The following PIK3CD variants were observed in gnomAD, a reference collection of about 807,000 sequenced individuals.
The protein encoded by PIK3CD is phosphatidylinositol-4,5-bisphosphate 3-kinase catalytic subunit delta.
In PIK3CD, 20 loss-of-function variants were observed where a neutral mutation model predicts 122.9. The ratio of observed to expected loss-of-function variants is 0.16; its 90% CI spans 0.11 to 0.24. PIK3CD has a LOEUF of 0.24. PIK3CD is among the 10% of genes least tolerant of loss of function. The pLI is 1.00. For missense variants in PIK3CD, 787 were observed against 1,406.3 expected, an observed-to-expected ratio of 0.56 and a Z score of 7.04; for synonymous variants, 596 against 593.4, an observed-to-expected ratio of 1.00 and a Z score of -0.06.
intron 3 of PIK3CD, among the ~76,000 whole-genome samples, chr1:9,714,937 G>A (rs893209205): frequency 1.2e-4 from 18 of 152,108 alleles, no homozygotes; most frequent in African/African-American, 4.3e-4. Context: ...TTGGGAGGCC[G>A]AGGTGGGTGG....
chr1:9,692,690 A>G (rs1646248395), intron 2 of PIK3CD, among the ~76,000 whole-genome samples: 1 of 152,202 alleles, frequency 6.6e-6, no homozygotes. Flanking sequence ...AGATCACACC[A>G]CTGCACTCCA....
chr1:9,701,226 C>T (rs1289168735), intron 2 of PIK3CD, among the ~76,000 whole-genome samples: 1 of 152,106 alleles, frequency 6.6e-6, no homozygotes, highest in Non-Finnish European at 1.5e-5. Context: ...TGCCCACCAC[C>T]CCCTGCTCCA....
intron 2 of PIK3CD, among the ~76,000 whole-genome samples, chr1:9,701,830 C>G (rs946462502): frequency 6.6e-6 from 1 of 152,076 alleles, no homozygotes; most frequent in Non-Finnish European, 1.5e-5. Context: ...CCCTGGAGGG[C>G]TGGCAGCCAA....
intron 1 of PIK3CD, among the ~76,000 whole-genome samples, chr1:9,676,042 C>T (rs763940407): frequency 1.3e-5 from 2 of 152,004 alleles, no homozygotes; most frequent in Non-Finnish European, 2.9e-5. Context: ...AGCGATTCTC[C>T]TGCCTCAGCC....
Position 9,717,040 on chromosome 1 carries a change from G to A in PIK3CD, c.862G>A (p.Glu288Lys), listed in dbSNP as rs917453045. The A allele has an allele frequency of 6.2e-7, 1 of 1,613,816 alleles. No homozygotes were observed. Among genetic ancestry groups the A allele is most frequent in the Non-Finnish European group, 8.5e-7 (1 of 1,180,024 alleles). Residue 288 changes from glutamate (E) to lysine (K), a missense_variant, in exon 7 of 24, where the codon GAG (glutamate) becomes AAG (lysine). This residue lies in a region of PIK3CD where 592 missense variants were observed against 920.6 expected (regional missense o/e 0.64). Transcript: ENST00000377346. The surrounding 1 kb of genome is among the most constrained non-coding windows in gnomAD (Gnocchi z 5.4). The stretch of plus-strand genomic sequence containing the variant: ...CTCCTCCATCCTCGCCATGCGGGAT[G>A]AGCAGAGCAACCCTGCCCCCCAGGT... ...HSSSILAMRD[E>K]QSNPAPQVQK...
chr1:9,725,086 TG>T (rs1649303468), intron 23 of PIK3CD, 150 bp downstream of exon 23: 1 of 1,041,692 alleles, frequency 9.6e-7, no homozygotes. Flanking sequence ...GCAGTGGAGC[TG>T]GTGGGCGGTG....
chr1:9,654,455 C>G lies in PIK3CD; in HGVS notation c.-138+2653C>G, dbSNP rs746518296. The stretch of plus-strand genomic sequence containing the variant: ...AGGGCATCAGCCCCTGGGGGGCTTA[C>G]AGGACAGACAGTCCACCAATGGTTG... On this transcript the variant is annotated intron_variant, in intron 1 of 23. Transcript: ENST00000377346. The G allele has an allele frequency of 7.5e-6, 10 of 1,341,458 alleles. No homozygotes were observed. The South Asian group carries it at 1.0e-4, about 14-fold the overall frequency. The allele number at this position is 1,341,458 out of a possible 1,614,324, so 83.1% of individuals were successfully genotyped here. A position where few individuals can be genotyped will look rare whatever the true frequency, so the allele number is the denominator to read the frequency against.
At position 9,718,565 on chromosome 1, in the gene PIK3CD, C is replaced by G; in HGVS notation, c.1021-129C>G. 3.4e-6 allele frequency: 3 copies of G among 889,324 alleles called. No homozygotes were observed. The highest frequency in any genetic ancestry group is 5.4e-6 in the Non-Finnish European group (3 of 557,206). 55.1% of individuals were successfully genotyped at this position (889,324 alleles called of 1,614,324 possible). A position where few individuals can be genotyped will look rare whatever the true frequency, so the allele number is the denominator to read the frequency against. Reference sequence around the variant, plus strand: ...TCAGGCCTTCCCTGTGCTGCACCACCTTCCTTCGTGTGGGAAGTAGAGTTC... The same window carrying G: ...TCAGGCCTTCCCTGTGCTGCACCACGTTCCTTCGTGTGGGAAGTAGAGTTC... On this transcript the variant is annotated intron_variant, in intron 8 of 23. Transcript: ENST00000377346. The surrounding 1 kb of genome is among the most constrained non-coding windows in gnomAD (Gnocchi z 7.2).
chr1:9,711,574 G>C (rs546280863), intron 3 of PIK3CD, among the ~76,000 whole-genome samples: 3 of 151,990 alleles, frequency 2.0e-5, no homozygotes, highest in African/African-American at 4.8e-5. Context: ...TCATGACTGT[G>C]TCATCATTTT....
chr1:9,684,609 C>G (rs919658682), intron 1 of PIK3CD, among the ~76,000 whole-genome samples: 1 of 150,694 alleles, frequency 6.6e-6, no homozygotes, highest in Admixed American at 6.6e-5. Flanking sequence ...AATCCCAACA[C>G]TTTGTGAGGC....
At position 9,721,477 on chromosome 1, in the gene PIK3CD, G is replaced by A. The variant is rs752731457; in HGVS notation, c.1845G>A (p.Leu615=). Reference sequence around the variant, plus strand: ...AGCTGTTCCAGTACCTGCTGCAGCTGGTGCAGGTGCTCAAGTACGAGTCCT... The same window carrying A: ...AGCTGTTCCAGTACCTGCTGCAGCTAGTGCAGGTGCTCAAGTACGAGTCCT... ...DDELFQYLLQ[L]VQVLKYESYL... The change falls in exon 15 of 24, where the codon CTG becomes CTA. Residue 615 remains leucine (L), a synonymous_variant. Transcript: ENST00000377346. 1.2e-6 allele frequency: 2 copies of A among 1,613,654 alleles called. No individual in the cohort carries two copies. The highest frequency in any genetic ancestry group is 4.5e-5 in the East Asian group (2 of 44,888).
chr1:9,720,208 C>T lies in PIK3CD; in HGVS notation c.1436C>T (p.Ala479Val). 1 of 1,610,658 alleles carries T rather than the reference C, an allele frequency of 6.2e-7. No individual in the cohort carries two copies. The highest frequency in any genetic ancestry group is 8.5e-7 in the Non-Finnish European group (1 of 1,178,266). Residue 479 changes from alanine to valine, a missense_variant, in exon 11 of 24, where the codon GCC becomes GTC. By Grantham distance (64) the Ala-to-Val change is moderately conservative (BLOSUM62 0). This residue lies in a region of PIK3CD where 592 missense variants were observed against 920.6 expected (regional missense o/e 0.64). Transcript: ENST00000377346. The surrounding 1 kb of genome is among the most constrained non-coding windows in gnomAD (Gnocchi z 9.0). ...CTGCTCATCTGCCTGCCCGAGGTGG[C>T]CCCGCACCCCGTGTACTACCCCGCC... ...AALLICLPEVAPHPVYYPALE... is the reference protein window; with the variant it reads ...AALLICLPEVVPHPVYYPALE...
At chr1:9,650,681 T>A (rs1368106978), upstream of PIK3CD, among the ~76,000 whole-genome samples, 1 of 151,484 alleles carries the variant, frequency 6.6e-6, no homozygotes, top group African/African-American at 2.4e-5. Context: ...GAATAGAGGC[T>A]TGGGATCCTG....
chr1:9,702,906 G>A (rs1042641349), intron 2 of PIK3CD, among the ~76,000 whole-genome samples: 4 of 152,084 alleles, frequency 2.6e-5, no homozygotes, highest in Middle Eastern at 3.2e-3. Context: ...AGCTGTAAGC[G>A]GCCAAAAACT....
chr1:9,666,327 GC>G (rs540773280), intron 1 of PIK3CD, among the ~76,000 whole-genome samples: 7 of 125,952 alleles, frequency 5.6e-5, no homozygotes, highest in African/African-American at 1.6e-4. Context: ...TGCAACCTCT[GC>G]CCCCCCAGGT....
chr1:9,634,256 C>T, the PIK3CD span, among the ~76,000 whole-genome samples: 3 of 149,886 alleles, frequency 2.0e-5, no homozygotes, highest in East Asian at 2.0e-4. Context: ...CAGGTTCAAG[C>T]GATTCTCCTC....
rs539631080 is a variant in PIK3CD at position 9,718,260 on chromosome 1, C to T, written c.1021-434C>T. On this transcript the variant is annotated intron_variant, in intron 8 of 23. Transcript: ENST00000377346. The surrounding 1 kb of genome is among the most constrained non-coding windows in gnomAD (Gnocchi z 7.2). The stretch of plus-strand genomic sequence containing the variant: ...ATCGAGGGGGACTGGATCAGAGGGA[C>T]TTCCAGGGTGGTGGTGTCAGGTGGA... 6.0e-5 allele frequency: 28 copies of T among 467,228 alleles called. No individual in the cohort carries two copies. Among genetic ancestry groups the T allele is most frequent in the African/African-American group, 5.5e-4 (28 of 50,714 alleles). The allele number at this position is 467,228 out of a possible 1,614,324, so 28.9% of individuals were successfully genotyped here. A position where few individuals can be genotyped will look rare whatever the true frequency, so the allele number is the denominator to read the frequency against.
chr1:9,672,264 C>T (rs1645352431), intron 1 of PIK3CD, among the ~76,000 whole-genome samples: 1 of 152,010 alleles, frequency 6.6e-6, no homozygotes, highest in Admixed American at 6.6e-5. Context: ...GCATATTTTC[C>T]CCTAACTTTA....
intron 1 of PIK3CD, among the ~76,000 whole-genome samples, chr1:9,668,049 G>C (rs1186321094): frequency 1.3e-5 from 2 of 151,552 alleles, no homozygotes; most frequent in Admixed American, 6.6e-5. Flanking sequence ...CACCACGCCT[G>C]GTGTAAAACC....
Sources: gnomAD v4.1 joint callset for allele counts (sites outside exome capture counted in the v4.1 genomes callset) on GRCh38, gnomAD v4.1.1 for gene constraint, gnomAD v4.1.1 regional missense constraint, Gnocchi (gnomAD v3.1) non-coding constraint, MANE v1.5 for transcripts, NCBI Gene and HGNC (gene_info 2026-07-23, HGNC 2026-07-21) for gene names.